Variants in ZBTB44 observed in about 807,000 individuals in gnomAD.
ZBTB44 encodes the protein zinc finger and BTB domain-containing protein 44.
A neutral mutation model predicts 54.0 loss-of-function variants in ZBTB44; 15 were observed. The observed-to-expected ratio is 0.28, with a 90% CI of 0.19 to 0.43. The LOEUF is 0.43. Among genes scored for constraint, ZBTB44 ranks in the 20% least tolerant of loss-of-function variants. ZBTB44 has a pLI of 1.00. For missense variants in ZBTB44, 487 were observed against 707.1 expected, an observed-to-expected ratio of 0.69 and a Z score of 3.53; for synonymous variants, 230 against 250.1, an observed-to-expected ratio of 0.92 and a Z score of 0.76.
chr11:130,282,180 TAC>T (rs1276530773), intron 1 of ZBTB44, among the ~76,000 whole-genome samples: 28 of 152,240 alleles, frequency 1.8e-4, no homozygotes, highest in Admixed American at 1.8e-3. Context: ...TTTTTAAGCA[TAC>T]AGTTTGTATG....
At chr11:130,281,406 G>C (rs1057183612) in intron 1 of ZBTB44, among the ~76,000 whole-genome samples, 2 of 152,058 alleles carry the variant, frequency 1.3e-5, no homozygotes, top group Admixed American at 6.6e-5. Context: ...TGTGGCTCCA[G>C]GTACTTAGAA....
At chr11:130,248,622 C>T (rs1368074212) in intron 2 of ZBTB44, among the ~76,000 whole-genome samples, 1 of 151,812 alleles carries the variant, frequency 6.6e-6, no homozygotes, top group Non-Finnish European at 1.5e-5. Context: ...GCCTGAGCAA[C>T]AGGGCAAGAT....
intron 1 of ZBTB44, chr11:130,285,102 T>A (rs1940854385): frequency 6.1e-6 from 1 of 165,172 alleles, no homozygotes; most frequent in Admixed American, 6.5e-5. Flanking sequence ...AACCAGTGAG[T>A]TCTTCCTTTC....
At chr11:130,236,624 A>T (rs931592349) in intron 5 of ZBTB44, 169 bp downstream of exon 5, 1 of 637,306 alleles carries the variant, frequency 1.6e-6, no homozygotes, top group Non-Finnish European at 2.3e-6. Context: ...TAGAAGACTC[A>T]GCAAAATTTT....
chr11:130,298,440 C>G (rs999978789), intron 1 of ZBTB44, among the ~76,000 whole-genome samples: 2 of 150,882 alleles, frequency 1.3e-5, no homozygotes, highest in Admixed American at 6.6e-5. Context: ...CCACCATGCC[C>G]GGCCAAAAGT....
At chr11:130,292,111 ATTG>A (rs1941333996) in intron 1 of ZBTB44, among the ~76,000 whole-genome samples, 4 of 152,090 alleles carry the variant, frequency 2.6e-5, no homozygotes, top group Non-Finnish European at 5.9e-5. Context: ...TGTTCTTTTT[ATTG>A]CTGAATACTA....
intron 1 of ZBTB44, among the ~76,000 whole-genome samples, chr11:130,288,968 T>A (rs1209789272): frequency 6.6e-6 from 1 of 151,328 alleles, no homozygotes; most frequent in African/African-American, 2.4e-5. Context: ...AAAACAAGAC[T>A]AAGCAAGGTG....
Position 130,261,178 on chromosome 11 carries a change from A to T in ZBTB44, c.696T>A (p.Phe232Leu), listed in dbSNP as rs189448534. Reference protein sequence around the residue: ...VDSSLAFPWTFPFGIDRRIQP... With the variant: ...VDSSLAFPWTLPFGIDRRIQP... Reference sequence around the variant, plus strand: ...GAATCCTTCGATCAATTCCAAAAGGAAAAGTCCAAGGAAAAGCTAAGGAAG... The same window carrying T: ...GAATCCTTCGATCAATTCCAAAAGGTAAAGTCCAAGGAAAAGCTAAGGAAG... Residue 232 changes from phenylalanine (F) to leucine (L), a missense_variant, in exon 2 of 8, where the codon TTT (phenylalanine) becomes TTA (leucine). By Grantham distance (22) the Phe-to-Leu change is conservative. Around this residue, in one of 3 missense-constraint regions of ZBTB44, gnomAD observed 277 missense variants for 306.5 expected, o/e 0.90. Transcript: ENST00000357899. This position sits in a 1 kb window ranked among gnomAD's most constrained non-coding sequence, Gnocchi z 4.8. The T allele has an allele frequency of 5.4e-4, 874 of 1,614,034 alleles. 1 individual carries two copies. Among genetic ancestry groups the T allele is most frequent in the Admixed American group, 1.0e-3 (61 of 60,026 alleles).
intron 1 of ZBTB44, among the ~76,000 whole-genome samples, chr11:130,262,206 C>T (rs995549429): frequency 1.3e-5 from 2 of 152,102 alleles, no homozygotes; most frequent in Non-Finnish European, 1.5e-5. Flanking sequence ...GCGGGGTGGT[C>T]TTGGCTCACT....
At chr11:130,294,464 A>C (rs990146777) in intron 1 of ZBTB44, among the ~76,000 whole-genome samples, 3 of 151,000 alleles carry the variant, frequency 2.0e-5, no homozygotes, top group Non-Finnish European at 4.4e-5. Context: ...GAGGAGACAG[A>C]AAATCAAATT....
chr11:130,296,437 G>T, intron 1 of ZBTB44: 1 of 1,319,874 alleles, frequency 7.6e-7, no homozygotes. Context: ...CAAAATAAAT[G>T]TACGACCACA....
chr11:130,307,767 T>C (rs1177241718), intron 1 of ZBTB44, among the ~76,000 whole-genome samples: 1 of 152,182 alleles, frequency 6.6e-6, no homozygotes. Context: ...GACTTCAAAC[T>C]ATACTACAAG....
At chr11:130,238,321 T>G in intron 4 of ZBTB44, 123 bp downstream of exon 4, 1 of 1,250,496 alleles carries the variant, frequency 8.0e-7, no homozygotes, top group African/African-American at 1.5e-5. Flanking sequence ...CTAATCTGTT[T>G]TCATTTGACT....
intron 2 of ZBTB44, among the ~76,000 whole-genome samples, chr11:130,258,502 T>C (rs939000194): frequency 6.6e-6 from 1 of 152,226 alleles, no homozygotes; most frequent in Non-Finnish European, 1.5e-5. Context: ...CCCTTTAATG[T>C]AGACTCCTTA....
In ZBTB44 at chr11:130,227,362, C is replaced by CAGTT. The variant is rs1157081417; in HGVS notation, c.*4398_*4401dup. On this transcript the variant is annotated 3_prime_UTR_variant, in exon 8 of 8. Transcript: ENST00000357899. ...AAAGCTGGTGAACTGGGGACTGGCA[C>CAGTT]AGTTAAGAGTTGTACTAATTCTAGG... The CAGTT allele has an allele frequency of 2.6e-5, 4 of 152,162 alleles. No individual in the cohort carries two copies. Among genetic ancestry groups the CAGTT allele is most frequent in the Non-Finnish European group, 5.9e-5 (4 of 68,028 alleles). The allele number at this position is 152,162 out of a possible 1,614,324, so 9.4% of individuals were successfully genotyped here. A position where few individuals can be genotyped will look rare whatever the true frequency, so the allele number is the denominator to read the frequency against.
chr11:130,253,497 G>A (rs1938193886), intron 2 of ZBTB44, among the ~76,000 whole-genome samples: 1 of 152,050 alleles, frequency 6.6e-6, no homozygotes, highest in African/African-American at 2.4e-5. Flanking sequence ...AAATACCTAG[G>A]AATCCAACTT....
At chr11:130,277,144 T>C (rs1262799924) in intron 1 of ZBTB44, among the ~76,000 whole-genome samples, 1 of 152,248 alleles carries the variant, frequency 6.6e-6, no homozygotes, top group Non-Finnish European at 1.5e-5. Flanking sequence ...GTTATTTGTA[T>C]AGTTAGATTC....
intron 1 of ZBTB44, among the ~76,000 whole-genome samples, chr11:130,304,717 G>A (rs1430329908): frequency 6.6e-6 from 1 of 152,070 alleles, no homozygotes; most frequent in Non-Finnish European, 1.5e-5. Flanking sequence ...ACAGTCCTAA[G>A]AATATATTTT....
chr11:130,306,673 C>A (rs892106029), intron 1 of ZBTB44, among the ~76,000 whole-genome samples: 1 of 152,082 alleles, frequency 6.6e-6, no homozygotes, highest in African/African-American at 2.4e-5. Flanking sequence ...GCCCATCAAA[C>A]AACGAGCAGA....
Sources: allele counts gnomAD v4.1 joint callset (sites outside exome capture counted in the v4.1 genomes callset), GRCh38; gene constraint gnomAD v4.1.1; regional missense constraint gnomAD v4.1.1; non-coding constraint Gnocchi (gnomAD v3.1); transcripts MANE v1.5; gene names NCBI Gene and HGNC (gene_info 2026-07-23, HGNC 2026-07-21).